ST3GAL1: variants seen among roughly 807,000 people sequenced by gnomAD.
The protein encoded by ST3GAL1 is CMP-N-acetylneuraminate-beta-galactosamide-alpha-2,3-sialyltransferase 1.
Under a neutral mutation model 34.1 loss-of-function variants are expected in ST3GAL1, and 16 were observed. The observed-to-expected ratio is 0.47, with a 90% CI of 0.32 to 0.71. ST3GAL1 has a LOEUF of 0.71. Among genes scored for constraint, ST3GAL1 ranks in the 30% least tolerant of loss-of-function variants. The pLI is 0.04. For missense variants in ST3GAL1, 353 were observed against 447.4 expected (o/e 0.79, Z 1.90); for synonymous variants, 191 against 184.7 (o/e 1.03, Z -0.28).
chr8:133,457,211 C>G lies in ST3GAL1; in HGVS notation c.*2553G>C, dbSNP rs1326827991. 6.6e-6 allele frequency: 1 copy of G among 152,132 alleles called. No homozygotes were observed. The highest frequency in any genetic ancestry group is 2.4e-5 in the African/African-American group (1 of 41,404). 9.4% of individuals were successfully genotyped at this position (152,132 alleles called of 1,614,324 possible). A position where few individuals can be genotyped will look rare whatever the true frequency, so the allele number is the denominator to read the frequency against. On this transcript the variant is annotated 3_prime_UTR_variant, in exon 10 of 10. Transcript: ENST00000522652. ...GAAGAGATCTCACAGCTTGACCACC[C>G]TAGTAGGAGGGAGGGAGACCAGACG...
intron 1 of ST3GAL1, among the ~76,000 whole-genome samples, chr8:133,549,127 G>A (rs1332420789): frequency 1.1e-4 from 16 of 152,354 alleles, no homozygotes; most frequent in South Asian, 6.2e-4. Flanking sequence ...GTAGCGGGGC[G>A]TGGTGGCTCA....
intron 5 of ST3GAL1, among the ~76,000 whole-genome samples, chr8:133,475,315 G>A (rs1464637231): frequency 6.6e-6 from 1 of 152,246 alleles, no homozygotes; most frequent in Non-Finnish European, 1.5e-5. Context: ...GAGGAGCCAA[G>A]TCTGCCCATA....
rs1563690043 is a variant in ST3GAL1, at chr8:133,457,974, G to C, written c.*1790C>G. ...TTTTCTGCTTAAACATTAGTAACTG[G>C]AGCCAACAATCACCGTCCCCCACAT... On this transcript the variant is annotated 3_prime_UTR_variant, in exon 10 of 10. Coordinates refer to ENST00000522652, the MANE Select transcript of ST3GAL1 (RefSeq NM_173344.3). 1.3e-5 allele frequency: 2 copies of C among 152,206 alleles called. No individual in the cohort carries two copies. Among genetic ancestry groups the C allele is most frequent in the South Asian group, 2.1e-4 (1 of 4,838 alleles). 9.4% of individuals were successfully genotyped at this position (152,206 alleles called of 1,614,324 possible). A position where few individuals can be genotyped will look rare whatever the true frequency, so the allele number is the denominator to read the frequency against.
rs1488410302 is a variant in ST3GAL1 at position 133,541,110 on chromosome 8, T to TAGAGAGAGAG, written c.-429+4663_-429+4664insCTCTCTCTCT. ...ATATATATAAACATATATATATATA[T>TAGAGAGAGAG]ATATATATATAGAGAGAGAGAGAGA... On this transcript the variant is annotated intron_variant, in intron 2 of 9. Transcript: ENST00000522652. Among the ~76,000 whole-genome samples the TAGAGAGAGAG allele has an allele frequency of 1.0e-3, 43 of 42,022 alleles. 2 individuals are homozygous for TAGAGAGAGAG. Among genetic ancestry groups the TAGAGAGAGAG allele is most frequent in the South Asian group, 0.01 (10 of 978 alleles). 27.6% of individuals were successfully genotyped at this position (42,022 alleles called of 152,430 possible). A position where few individuals can be genotyped will look rare whatever the true frequency, so the allele number is the denominator to read the frequency against.
chr8:133,525,291 G>A (rs1817934254), intron 2 of ST3GAL1, among the ~76,000 whole-genome samples: 1 of 152,232 alleles, frequency 6.6e-6, no homozygotes, highest in African/African-American at 2.4e-5. Context: ...GAGTCAAGGA[G>A]ACCCAGAGTG....
intron 2 of ST3GAL1, among the ~76,000 whole-genome samples, chr8:133,535,537 A>G (rs78396448): frequency 7.9e-6 from 1 of 127,068 alleles, no homozygotes; most frequent in African/African-American, 4.4e-5. Context: ...TTTTTTTTTT[A>G]GAAACAAGGT....
chr8:133,518,325 A>T lies in ST3GAL1; in HGVS notation c.-428-19136T>A, dbSNP rs721590. Among the ~76,000 whole-genome samples, 8 of 151,970 alleles carry T rather than the reference A, an allele frequency of 5.3e-5. No homozygotes were observed. The East Asian group carries it at 1.5e-3, about 29-fold the overall frequency. On this transcript the variant is annotated intron_variant, in intron 2 of 9. Coordinates refer to ENST00000522652, the MANE Select transcript of ST3GAL1 (RefSeq NM_173344.3). ...AAGATGACAGCCTCCAAAATGCACC[A>T]ATCAGCCACCAGCCATGTGAAGCTC...
chr8:133,551,746 C>A (rs951826463), intron 1 of ST3GAL1, among the ~76,000 whole-genome samples: 6 of 152,144 alleles, frequency 3.9e-5, no homozygotes, highest in African/African-American at 1.4e-4. Context: ...CACTTTGATA[C>A]TGGTAGTAGC....
intron 1 of ST3GAL1, among the ~76,000 whole-genome samples, chr8:133,546,478 CAAAAAA>C (rs10553471): frequency 1.7e-5 from 2 of 114,802 alleles, no homozygotes; most frequent in African/African-American, 3.1e-5. Context: ...GAGACTCCGT[CAAAAAA>C]AAAAAAAAAA....
intron 8 of ST3GAL1, among the ~76,000 whole-genome samples, chr8:133,462,456 G>C (rs1030936934): frequency 3.3e-5 from 5 of 152,172 alleles, no homozygotes; most frequent in Non-Finnish European, 7.3e-5. Flanking sequence ...CTCTCCTCAT[G>C]CTGCAGATAA....
At chr8:133,492,100 A>C (rs568763327) in intron 3 of ST3GAL1, among the ~76,000 whole-genome samples, 1 of 152,258 alleles carries the variant, frequency 6.6e-6, no homozygotes, top group South Asian at 2.1e-4. Flanking sequence ...CTCGGGATGG[A>C]CGATACGAGG....
At chr8:133,488,390 T>G (rs1816679702) in intron 3 of ST3GAL1, 1 of 152,230 alleles carries the variant, frequency 6.6e-6, no homozygotes, top group Non-Finnish European at 1.5e-5. Flanking sequence ...TGAATGCAGG[T>G]GGGCCTCATC....
chr8:133,541,114 T>TAGAGAGAGAGAGAGAGAGAGAGAG (rs1299790632), intron 2 of ST3GAL1, among the ~76,000 whole-genome samples: 1 of 44,078 alleles, frequency 2.3e-5, no homozygotes. Context: ...TATATATATA[T>TAGAGAGAGAGAGAGAGAGAGAGAG]ATATATAGAG....
At chr8:133,555,045 T>A (rs1383952251) in intron 1 of ST3GAL1, among the ~76,000 whole-genome samples, 1 of 151,996 alleles carries the variant, frequency 6.6e-6, no homozygotes, top group Non-Finnish European at 1.5e-5. Context: ...TTTTTCTACT[T>A]CACTCTGAGG....
At chr8:133,468,168 T>G (rs1815815405) in intron 5 of ST3GAL1, among the ~76,000 whole-genome samples, 1 of 152,126 alleles carries the variant, frequency 6.6e-6, no homozygotes, top group Admixed American at 6.5e-5. Flanking sequence ...GGTATACCCA[T>G]GTTCAAAGCA....
At chr8:133,531,952 G>A (rs888401095) in intron 2 of ST3GAL1, among the ~76,000 whole-genome samples, 4 of 151,486 alleles carry the variant, frequency 2.6e-5, no homozygotes, top group Admixed American at 6.6e-5. Context: ...ATAATGAGAC[G>A]AAGGCTTCAT....
At chr8:133,479,342 G>A (rs1816297415) in intron 3 of ST3GAL1, among the ~76,000 whole-genome samples, 1 of 151,956 alleles carries the variant, frequency 6.6e-6, no homozygotes, top group Non-Finnish European at 1.5e-5. Flanking sequence ...TGGGTGGGGG[G>A]TGAGGGGGAA....
intron 2 of ST3GAL1, among the ~76,000 whole-genome samples, chr8:133,505,604 TTTTC>T (rs1398230793): frequency 6.8e-4 from 95 of 140,244 alleles, no homozygotes; most frequent in African/African-American, 2.3e-3. Flanking sequence ...CTTTCTTTTC[TTTTC>T]TTTTTTTTTT....
intron 2 of ST3GAL1, among the ~76,000 whole-genome samples, chr8:133,500,967 C>T (rs746624268): frequency 4.6e-5 from 7 of 152,172 alleles, no homozygotes; most frequent in Non-Finnish European, 1.0e-4. Flanking sequence ...AGAACTTTCA[C>T]CTGGTGCTCT....
Sources: gnomAD v4.1 joint callset for allele counts (sites outside exome capture counted in the v4.1 genomes callset) on GRCh38, gnomAD v4.1.1 for gene constraint, MANE v1.5 for transcripts, NCBI Gene and HGNC (gene_info 2026-07-23, HGNC 2026-07-21) for gene names.